The following APOOL variants were observed in gnomAD, a reference collection of about 807,000 sequenced individuals.
The protein encoded by APOOL is apolipoprotein O like, also known as MICOS complex subunit MIC27.
In APOOL, 12 loss-of-function variants were observed where a neutral mutation model predicts 23.1. The ratio of observed to expected loss-of-function variants is 0.52; its 90% CI spans 0.33 to 0.84. The LOEUF (loss-of-function observed/expected upper bound fraction) is 0.84. Among genes scored for constraint, APOOL ranks in the 40% least tolerant of loss-of-function variants. The pLI is 0.02. For missense variants in APOOL, 212 were observed against 199.6 expected (o/e 1.06, Z -0.37); for synonymous variants, 77 against 69.9 (o/e 1.10, Z -0.51).
rs766497759 is a variant in APOOL at position 85,088,316 on chromosome X, GTTTTTTTT to G, written c.*660_*667del. 5 of 22,528 alleles carry G rather than the reference GTTTTTTTT, an allele frequency of 2.2e-4. No homozygotes were observed. Among genetic ancestry groups the G allele is most frequent in the Non-Finnish European group, 3.2e-4 (4 of 12,652 alleles). 1.9% of individuals were successfully genotyped at this position (22,528 alleles called of 1,213,427 possible). ...TGTATGGAAAGGTGTGTTTCCCTCTGTTTTTTTTTTTTTTTTTTTTTTTTTTTTTCCCA... is the reference window on the plus strand; with the variant it reads ...TGTATGGAAAGGTGTGTTTCCCTCTGTTTTTTTTTTTTTTTTTTTTTCCCA... On this transcript the variant is annotated 3_prime_UTR_variant, in exon 9 of 9. Coordinates refer to ENST00000373173, the MANE Select transcript of APOOL (RefSeq NM_198450.6).
intron 1 of APOOL, among the ~76,000 whole-genome samples, chrX:85,010,103 G>A (rs1413020816): frequency 9.0e-6 from 1 of 111,250 alleles, no homozygotes; most frequent in Non-Finnish European, 1.9e-5. Flanking sequence ...GTGCTGTCAA[G>A]CTACCCTTCT....
intron 5 of APOOL, among the ~76,000 whole-genome samples, chrX:85,060,066 A>C (rs1418170849): frequency 9.0e-6 from 1 of 110,690 alleles, no homozygotes; most frequent in Non-Finnish European, 1.9e-5. Context: ...AAGGTGTAAG[A>C]AAGGGATCCA....
Position 85,087,848 on chromosome X carries a change from A to G in APOOL, c.*170A>G, listed in dbSNP as rs892946974. On this transcript the variant is annotated 3_prime_UTR_variant, in exon 9 of 9. Transcript: ENST00000373173. ...TTGATAAATTACATAAGTGGTTAAC[A>G]CACAAACTGTGAATGCAGTGTAAAC... 26 of 396,945 alleles carry G rather than the reference A, an allele frequency of 6.6e-5. No homozygotes were observed. The highest frequency in any genetic ancestry group is 5.5e-4 in the African/African-American group (21 of 38,298). 32.7% of individuals were successfully genotyped at this position (396,945 alleles called of 1,213,427 possible).
At chrX:85,030,085 G>A (rs971614150) in intron 1 of APOOL, among the ~76,000 whole-genome samples, 2 of 112,013 alleles carry the variant, frequency 1.8e-5, no homozygotes, top group African/African-American at 6.5e-5. Flanking sequence ...ACTCACAATT[G>A]CAAAAACATG....
chrX:85,011,053 T>C (rs759504425), intron 1 of APOOL, among the ~76,000 whole-genome samples: 1 of 111,980 alleles, frequency 8.9e-6, no homozygotes, highest in East Asian at 2.8e-4. Context: ...AGGAGTGAGA[T>C]GGTATCGTAT....
At chrX:85,042,075 C>T in intron 1 of APOOL, among the ~76,000 whole-genome samples, 1 of 111,139 alleles carries the variant, frequency 9.0e-6, no homozygotes. Context: ...TAACCAAATA[C>T]AAAATCAGTA....
chrX:85,085,167 T>C (rs1244326214), intron 8 of APOOL, among the ~76,000 whole-genome samples: 1 of 112,081 alleles, frequency 8.9e-6, no homozygotes, highest in African/African-American at 3.2e-5. Flanking sequence ...TTTTAAGTAG[T>C]GGCGAGTGTG....
At chrX:85,055,792 A>G (rs765901921) in intron 4 of APOOL, 35 bp from the exon 5 acceptor site, 23 of 997,043 alleles carry the variant, frequency 2.3e-5, no homozygotes, top group Non-Finnish European at 3.2e-5. Context: ...AGTAGAATTC[A>G]GTTATTCATG....
chrX:85,066,527 A>C (rs1299279508), intron 5 of APOOL, among the ~76,000 whole-genome samples: 1 of 111,724 alleles, frequency 9.0e-6, no homozygotes, highest in Non-Finnish European at 1.9e-5. Context: ...AAAAGATACG[A>C]AAATAACTCT....
chrX:85,036,501 A>G (rs1922221020), intron 1 of APOOL, among the ~76,000 whole-genome samples: 1 of 110,746 alleles, frequency 9.0e-6, no homozygotes, highest in Non-Finnish European at 1.9e-5. Flanking sequence ...TTCCAGTACT[A>G]TATTGACTAG....
intron 1 of APOOL, among the ~76,000 whole-genome samples, chrX:85,027,199 G>A (rs1041578673): frequency 3.6e-5 from 4 of 110,999 alleles, no homozygotes; most frequent in Admixed American, 9.7e-5. Context: ...AAGAGAAGTC[G>A]GGGGAGGGAA....
chrX:85,051,305 G>A, intron 2 of APOOL, 84 bp from the exon 3 acceptor site: 1 of 1,051,309 alleles, frequency 9.5e-7, no homozygotes, highest in Non-Finnish European at 1.3e-6. Flanking sequence ...AAAGAAGGCT[G>A]ATGAGGATTC....
At chrX:85,056,133 T>C (rs1395508952) in intron 5 of APOOL, among the ~76,000 whole-genome samples, 1 of 111,351 alleles carries the variant, frequency 9.0e-6, no homozygotes, top group African/African-American at 3.3e-5. Flanking sequence ...TCAACGTCAT[T>C]AGTCATTAGG....
chrX:85,046,875 T>A (rs1207693473), intron 2 of APOOL, among the ~76,000 whole-genome samples: 1 of 111,490 alleles, frequency 9.0e-6, no homozygotes, highest in Non-Finnish European at 1.9e-5. Context: ...GAAACTTCAG[T>A]TTAACAAATT....
chrX:85,061,876 T>C (rs190164784), intron 5 of APOOL, among the ~76,000 whole-genome samples: 1 of 111,731 alleles, frequency 9.0e-6, no homozygotes, highest in African/African-American at 3.2e-5. Context: ...TGTATCTATT[T>C]CCTTCAGTTC....
intron 1 of APOOL, 87 bp downstream of exon 1, chrX:85,004,014 G>A: frequency 8.9e-7 from 1 of 1,122,265 alleles, no homozygotes. Flanking sequence ...TTCTGAAGGA[G>A]CCCTGAAACA....
chrX:85,038,254 G>T (rs6623223), intron 1 of APOOL, among the ~76,000 whole-genome samples: 2,974 of 111,064 alleles, frequency 0.027, 90 homozygotes, highest in African/African-American at 0.091. Context: ...CCTAGATTTG[G>T]CTTTCTAGTA....
intron 1 of APOOL, among the ~76,000 whole-genome samples, chrX:85,009,790 C>T (rs965946127): frequency 9.0e-6 from 1 of 111,158 alleles, no homozygotes; most frequent in Non-Finnish European, 1.9e-5. Flanking sequence ...CCTCTCCTTG[C>T]TCCCACCCAT....
rs1569457442 is a variant in APOOL, at chrX:85,054,328, C to T, written c.241-16C>T. On this transcript the variant is annotated splice_polypyrimidine_tract_variant and intron_variant, in intron 3 of 8. Transcript: ENST00000373173. ...TCAAAAATGCAGATGTCTTCCCCCC[C>T]TTTTTTTTTGCTTAGGGTGTTTATG... 2.6e-6 allele frequency: 3 copies of T among 1,138,138 alleles called. No individual in the cohort carries two copies. The highest frequency in any genetic ancestry group is 3.5e-6 in the Non-Finnish European group (3 of 850,503). The allele number at this position is 1,138,138 out of a possible 1,213,427, so 93.8% of individuals were successfully genotyped here.
Sources: gnomAD v4.1 joint callset for allele counts (sites outside exome capture counted in the v4.1 genomes callset) on GRCh38, gnomAD v4.1.1 for gene constraint, MANE v1.5 for transcripts, NCBI Gene and HGNC (gene_info 2026-07-23, HGNC 2026-07-21) for gene names.